Variants in HERC4 observed in about 807,000 individuals in gnomAD.
HERC4 encodes the protein HECT and RLD domain containing E3 ubiquitin protein ligase 4, also known as probable E3 ubiquitin-protein ligase HERC4.
Under a neutral mutation model 124.3 loss-of-function variants are expected in HERC4, and 28 were observed. That is an observed-to-expected ratio of 0.23 (90% confidence interval 0.17 to 0.31). The LOEUF (loss-of-function observed/expected upper bound fraction) is 0.31, where lower values mean the gene tolerates loss of function less well. Ranked by LOEUF, HERC4 falls within the 10% of genes least tolerant of loss-of-function variation. The pLI, the probability that HERC4 is intolerant of heterozygous loss-of-function variation, is 1.00. For missense variants in HERC4, 713 were observed against 1,229.3 expected, an observed-to-expected ratio of 0.58 and a Z score of 6.28; for synonymous variants, 407 against 421.5, an observed-to-expected ratio of 0.97 and a Z score of 0.42.
At chr10:68,071,474 A>G (rs187979682) in intron 3 of HERC4, among the ~76,000 whole-genome samples, 1 of 152,242 alleles carries the variant, frequency 6.6e-6, no homozygotes, top group Non-Finnish European at 1.5e-5. Context: ...AGAGATGTTC[A>G]GTTATTTCTA....
At chr10:68,058,553 C>T (rs1340295194) in intron 3 of HERC4, among the ~76,000 whole-genome samples, 1 of 152,164 alleles carries the variant, frequency 6.6e-6, no homozygotes, top group East Asian at 1.9e-4. Context: ...ATTGAATACT[C>T]ACCATACGCT....
At chr10:67,986,795 G>A (rs73263241) in intron 15 of HERC4, among the ~76,000 whole-genome samples, 12,029 of 152,184 alleles carry the variant, frequency 0.079, 1,260 homozygotes, top group African/African-American at 0.24. Flanking sequence ...AAGCAACACA[G>A]AGGGGTTAGA....
chr10:68,044,620 T>C (rs778486288), intron 3 of HERC4, 57 bp from the exon 4 acceptor site: 59 of 1,489,546 alleles, frequency 4.0e-5, no homozygotes, highest in Non-Finnish European at 5.0e-5. Context: ...AGGAAAAAGA[T>C]ATTGCATTCT....
chr10:68,059,160 T>G (rs568113261), intron 3 of HERC4, among the ~76,000 whole-genome samples: 260 of 152,168 alleles, frequency 1.7e-3, no homozygotes, highest in Middle Eastern at 3.4e-3. Context: ...ATTACTGTGT[T>G]TTTAGAATTT....
chr10:67,978,603 C>A (rs918341064), intron 15 of HERC4, among the ~76,000 whole-genome samples: 1 of 152,164 alleles, frequency 6.6e-6, no homozygotes, highest in Admixed American at 6.5e-5. Flanking sequence ...GATTGTAGAG[C>A]GCCAGCACCT....
chr10:68,059,752 ATAT>A lies in HERC4; in HGVS notation c.226+13128_226+13130del, dbSNP rs1258605065. Among the ~76,000 whole-genome samples, 4 of 79,902 alleles carry A rather than the reference ATAT, an allele frequency of 5.0e-5. 1 individual carries two copies. The highest frequency in any genetic ancestry group is 8.0e-5 in the Non-Finnish European group (4 of 49,828). 52.4% of individuals were successfully genotyped at this position (79,902 alleles called of 152,430 possible). A position where few individuals can be genotyped will look rare whatever the true frequency, so the allele number is the denominator to read the frequency against. ...ATATATCATAATATTATATATTATA[ATAT>A]TATATATCATAATATTATATATTAT... On this transcript the variant is annotated intron_variant, in intron 3 of 24. Coordinates refer to ENST00000373700, the MANE Select transcript of HERC4 (RefSeq NM_015601.4).
rs548952558 is a variant in HERC4, at chr10:68,000,025, C to T, written c.1070-7343G>A. ...TTACTTAATCCGGTATGACAAGTCA[C>T]TTTTTTTTCTTTTGTAGAGACAGGG... On this transcript the variant is annotated intron_variant, in intron 9 of 24. Transcript: ENST00000373700. Among the ~76,000 whole-genome samples, 13 of 152,114 alleles carry T rather than the reference C, an allele frequency of 8.5e-5. 1 individual carries two copies. The South Asian group carries it at 2.7e-3, about 32-fold the overall frequency.
At chr10:67,954,925 TAA>T in intron 18 of HERC4, 36 bp downstream of exon 18, 16 of 1,541,370 alleles carry the variant, frequency 1.0e-5, no homozygotes, top group Non-Finnish European at 1.4e-5. Context: ...AGCTTCTGAA[TAA>T]AAGTCCCAAT....
chr10:67,957,799 A>G (rs56715366), intron 16 of HERC4, among the ~76,000 whole-genome samples: 12,066 of 152,146 alleles, frequency 0.079, 1,255 homozygotes, highest in African/African-American at 0.24. Flanking sequence ...AGTTCTTTAT[A>G]GTCTGAATCT....
chr10:68,046,137 A>AAG (rs1475139245), intron 3 of HERC4, among the ~76,000 whole-genome samples: 1 of 152,162 alleles, frequency 6.6e-6, no homozygotes, highest in Admixed American at 6.6e-5. Context: ...TGTTCCAAAA[A>AAG]AAAAAAAGAA....
At chr10:67,932,920 C>G (rs2031981051) in intron 22 of HERC4, 140 bp from the exon 23 acceptor site, 2 of 654,316 alleles carry the variant, frequency 3.1e-6, no homozygotes, top group Admixed American at 3.7e-5. Context: ...AGCGTTCAAA[C>G]AGGACAAAAC....
intron 20 of HERC4, 55 bp downstream of exon 20, chr10:67,940,884 C>T: frequency 7.1e-7 from 1 of 1,414,850 alleles, no homozygotes. Flanking sequence ...TCTGTACCTT[C>T]CCCACTTTTT....
At chr10:68,072,243 C>A (rs960002170) in intron 3 of HERC4, among the ~76,000 whole-genome samples, 10 of 151,948 alleles carry the variant, frequency 6.6e-5, no homozygotes, top group Admixed American at 2.0e-4. Flanking sequence ...GAAATGTGAC[C>A]AAATTCCTCA....
intron 3 of HERC4, among the ~76,000 whole-genome samples, chr10:68,071,445 AATT>A (rs1344791965): frequency 6.6e-6 from 1 of 152,240 alleles, no homozygotes; most frequent in African/African-American, 2.4e-5. Context: ...GCCTTTCAGA[AATT>A]ATTAAAGTAA....
chr10:67,936,324 T>C (rs1466581705), intron 21 of HERC4, 89 bp from the exon 22 acceptor site: 2 of 638,682 alleles, frequency 3.1e-6, no homozygotes, highest in Non-Finnish European at 4.9e-6. Context: ...CTCATTTAAT[T>C]AAAAAAAACT....
At chr10:67,971,082 A>G (rs1343335718) in intron 15 of HERC4, among the ~76,000 whole-genome samples, 2 of 152,150 alleles carry the variant, frequency 1.3e-5, no homozygotes, top group African/African-American at 4.8e-5. Flanking sequence ...TATCTTGGTA[A>G]AACTGACTCA....
At chr10:68,029,432 C>T (rs1442726090) in intron 7 of HERC4, among the ~76,000 whole-genome samples, 3 of 151,814 alleles carry the variant, frequency 2.0e-5, no homozygotes, top group Non-Finnish European at 2.9e-5. Flanking sequence ...GTGGACGTTA[C>T]AGTGGGCCGA....
chr10:67,991,210 TA>T lies in HERC4; in HGVS notation c.1272-12del. Reference sequence around the variant, plus strand: ...GTTCCATCTATCTCACTAAAAAATTTAAAAAAGTTTTTTTAATCATAGAATC... The same window carrying T: ...GTTCCATCTATCTCACTAAAAAATTTAAAAAGTTTTTTTAATCATAGAATC... On this transcript the variant is annotated splice_polypyrimidine_tract_variant and intron_variant, in intron 11 of 24. Coordinates refer to ENST00000373700, the MANE Select transcript of HERC4 (RefSeq NM_015601.4). The T allele has an allele frequency of 6.7e-7, 1 of 1,490,186 alleles. No individual in the cohort carries two copies. Among genetic ancestry groups the T allele is most frequent in the South Asian group, 1.4e-5 (1 of 70,648 alleles). The allele number at this position is 1,490,186 out of a possible 1,614,324, so 92.3% of individuals were successfully genotyped here.
At chr10:67,923,414 T>C (rs139797574) in intron 24 of HERC4, among the ~76,000 whole-genome samples, 65 of 152,334 alleles carry the variant, frequency 4.3e-4, no homozygotes, top group African/African-American at 1.5e-3. Flanking sequence ...GCCAAAACAT[T>C]TTGAGAGCCC....
Sources: allele counts gnomAD v4.1 joint callset (sites outside exome capture counted in the v4.1 genomes callset), GRCh38; gene constraint gnomAD v4.1.1; transcripts MANE v1.5; gene names NCBI Gene and HGNC (gene_info 2026-07-23, HGNC 2026-07-21).